Variants in ITPR1 observed in about 807,000 individuals in gnomAD.
ITPR1 encodes inositol 1,4,5-trisphosphate receptor type 1.
In ITPR1, 96 loss-of-function variants were observed where a neutral mutation model predicts 318.4. That is an observed-to-expected ratio of 0.30 (90% CI 0.26 to 0.36). ITPR1 has a LOEUF of 0.36. ITPR1 is among the 10% of genes least tolerant of loss of function. ITPR1 has a pLI of 1.00. For missense variants in ITPR1, 2,440 were observed against 3,460.2 expected (o/e 0.71, Z 7.40); for synonymous variants, 1,312 against 1,289.9 (o/e 1.02, Z -0.37).
chr3:4,689,758 G>A (rs28391200), intron 31 of ITPR1, among the ~76,000 whole-genome samples: 65,653 of 152,064 alleles, frequency 0.43, 15,565 homozygotes, highest in Non-Finnish European at 0.56. Context: ...TCATGGCTGT[G>A]TGGTAAGCAA....
At chr3:4,800,871 G>C (rs189697210) in intron 54 of ITPR1, among the ~76,000 whole-genome samples, 1 of 152,328 alleles carries the variant, frequency 6.6e-6, no homozygotes, top group South Asian at 2.1e-4. Context: ...AGAAAAAGTG[G>C]TAGTGCTTTG....
chr3:4,528,980 A>G (rs1031442092), intron 4 of ITPR1, among the ~76,000 whole-genome samples: 3 of 152,256 alleles, frequency 2.0e-5, no homozygotes, highest in African/African-American at 7.2e-5. Flanking sequence ...AGTGTGTTAC[A>G]CAATCGCTGG....
At chr3:4,675,362 A>C (rs2094163437) in intron 23 of ITPR1, 114 bp downstream of exon 23, 1 of 727,942 alleles carries the variant, frequency 1.4e-6, no homozygotes, top group South Asian at 2.1e-5. Flanking sequence ...TTCCTTCCCA[A>C]CTTTTCATCG....
intron 4 of ITPR1, among the ~76,000 whole-genome samples, chr3:4,546,030 T>C (rs903095862): frequency 3.9e-5 from 6 of 152,200 alleles, no homozygotes; most frequent in Non-Finnish European, 5.9e-5. Context: ...TAATTTGCTC[T>C]TGAGTAAAAC....
chr3:4,511,664 G>C (rs1016142066), intron 2 of ITPR1, among the ~76,000 whole-genome samples: 4 of 152,188 alleles, frequency 2.6e-5, no homozygotes, highest in Non-Finnish European at 5.9e-5. Flanking sequence ...TTACAGCTGG[G>C]AAAAGTGAGG....
intron 5 of ITPR1, among the ~76,000 whole-genome samples, chr3:4,630,291 C>T (rs755818774): frequency 2.6e-5 from 4 of 151,926 alleles, no homozygotes; most frequent in Non-Finnish European, 5.9e-5. Context: ...TTATCTGTGA[C>T]GTGGTTTTCT....
At chr3:4,838,912 G>A (rs1251943330) in intron 61 of ITPR1, among the ~76,000 whole-genome samples, 2 of 152,254 alleles carry the variant, frequency 1.3e-5, no homozygotes, top group African/African-American at 4.8e-5. Flanking sequence ...TCCTTTCAGA[G>A]CTAAGAATCT....
At chr3:4,527,520 C>T (rs545474168) in intron 4 of ITPR1, among the ~76,000 whole-genome samples, 18 of 152,230 alleles carry the variant, frequency 1.2e-4, no homozygotes, top group Middle Eastern at 6.8e-3. Context: ...CTGTGGGATG[C>T]GCAGTATGTT....
At chr3:4,837,028 G>C (rs553055982) in intron 61 of ITPR1, 93 bp downstream of exon 61, 2 of 1,160,986 alleles carry the variant, frequency 1.7e-6, no homozygotes, top group African/African-American at 3.1e-5. Context: ...AAAATCAGTA[G>C]TGCTTCATCT....
At chr3:4,800,140 G>A in intron 53 of ITPR1, 1 of 428,584 alleles carries the variant, frequency 2.3e-6, no homozygotes, top group South Asian at 3.1e-5. Flanking sequence ...TTTGTGGGGA[G>A]GAAGGGGATT....
chr3:4,527,255 C>G (rs2083057555), intron 4 of ITPR1, among the ~76,000 whole-genome samples: 1 of 152,226 alleles, frequency 6.6e-6, no homozygotes, highest in Admixed American at 6.5e-5. Flanking sequence ...TGGCTCACTG[C>G]AGCCTCGACC....
intron 20 of ITPR1, among the ~76,000 whole-genome samples, chr3:4,672,103 C>A (rs2094099620): frequency 6.6e-6 from 1 of 152,152 alleles, no homozygotes; most frequent in Admixed American, 6.5e-5. Context: ...TGATCACATG[C>A]TGCAGTTCTT....
intron 53 of ITPR1, 40 bp from the exon 54 acceptor site, chr3:4,800,385 A>G: frequency 6.3e-7 from 1 of 1,597,306 alleles, no homozygotes; most frequent in African/African-American, 1.3e-5. Flanking sequence ...TACTCAGTGA[A>G]GGCACAGATT....
chr3:4,647,842 T>C (rs1271834660), intron 10 of ITPR1, among the ~76,000 whole-genome samples: 1 of 152,240 alleles, frequency 6.6e-6, no homozygotes, highest in Non-Finnish European at 1.5e-5. Flanking sequence ...ACCACTCTTT[T>C]AACATGGATG....
chr3:4,514,676 C>T (rs992625163), intron 2 of ITPR1, among the ~76,000 whole-genome samples: 8 of 152,096 alleles, frequency 5.3e-5, no homozygotes, highest in African/African-American at 9.7e-5. Context: ...GGTGTCCTTT[C>T]GGGATGCCAG....
At chr3:4,498,655 C>T (rs2080787945) in intron 2 of ITPR1, among the ~76,000 whole-genome samples, 3 of 152,148 alleles carry the variant, frequency 2.0e-5, no homozygotes. Flanking sequence ...GGGTAAAACC[C>T]AGATTTCTGG....
At chr3:4,504,509 G>T (rs113317912) in intron 2 of ITPR1, among the ~76,000 whole-genome samples, 1 of 152,126 alleles carries the variant, frequency 6.6e-6, no homozygotes, top group African/African-American at 2.4e-5. Context: ...TTTTGCAAGA[G>T]AATAAATTAT....
intron 5 of ITPR1, among the ~76,000 whole-genome samples, chr3:4,638,099 C>T (rs947714711): frequency 3.9e-5 from 6 of 152,136 alleles, no homozygotes; most frequent in South Asian, 2.1e-4. Flanking sequence ...GGTAGGTAGG[C>T]GACCCAAGAC....
At chr3:4,793,875 C>G (rs564954221) in intron 52 of ITPR1, among the ~76,000 whole-genome samples, 1 of 152,072 alleles carries the variant, frequency 6.6e-6, no homozygotes, top group South Asian at 2.1e-4. Flanking sequence ...ATGATATGGG[C>G]GATTAATAAA....
Sources: allele counts gnomAD v4.1 joint callset (sites outside exome capture counted in the v4.1 genomes callset), GRCh38; gene constraint gnomAD v4.1.1; transcripts MANE v1.5; gene names NCBI Gene and HGNC (gene_info 2026-07-23, HGNC 2026-07-21).